CCDC194: variants seen among roughly 807,000 people sequenced by gnomAD.
The protein encoded by CCDC194 is coiled-coil domain containing 194.
A neutral mutation model predicts 4.9 loss-of-function variants in CCDC194; 8 were observed. That is an observed-to-expected ratio of 1.65 (90% CI 0.97 to 2.97). The LOEUF (loss-of-function observed/expected upper bound fraction) is 2.97, where lower values mean the gene tolerates loss of function less well. Ranked by LOEUF, CCDC194 falls within the 30% of genes most tolerant of loss-of-function variation. CCDC194 has a pLI of 0.00. For missense variants in CCDC194, 52 were observed against 43.1 expected, an observed-to-expected ratio of 1.21 and a Z score of -0.58; for synonymous variants, 13 against 17.0, an observed-to-expected ratio of 0.76 and a Z score of 0.58.
At chr19:17,389,529 C>T (rs991238036), downstream of CCDC194, among the ~76,000 whole-genome samples, 18 of 152,160 alleles carry the variant, frequency 1.2e-4, no homozygotes, top group African/African-American at 4.3e-4. Context: ...TGGACGTCCT[C>T]ACCTTGGCAC....
chr19:17,393,784 T>G, intron 1 of CCDC194, 51 bp downstream of exon 1: 1 of 393,566 alleles, frequency 2.5e-6, no homozygotes, highest in Non-Finnish European at 4.5e-6. Context: ...AGGCCGTCTC[T>G]TATCTCAACA....
chr19:17,390,453 A>ACCC (rs11326071), downstream of CCDC194: 16 of 371,352 alleles, frequency 4.3e-5, no homozygotes, highest in African/African-American at 3.2e-4. This position sits in a 1 kb window ranked among gnomAD's most constrained non-coding sequence, Gnocchi z 5.5. Flanking sequence ...GTCCCCGCAG[A>ACCC]CCCCCCCCCC....
rs180688921 is a variant in CCDC194 at position 17,393,809 on chromosome 19, G to C, written c.324+26C>G. ...TTATCTCAACATTCTGGATTCCCGA[G>C]CTCCCCCTCTACCCGGCCCACCTAC... is the stretch of plus-strand genomic sequence containing the variant. On this transcript the variant is annotated intron_variant, in intron 1 of 3. Coordinates refer to ENST00000636079, the Ensembl canonical transcript of CCDC194. 1.0e-3 allele frequency: 395 copies of C among 395,622 alleles called. 1 individual carries two copies. The highest frequency in any genetic ancestry group is 7.6e-3 in the African/African-American group (367 of 48,544). The allele number at this position is 395,622 out of a possible 1,614,324, so 24.5% of individuals were successfully genotyped here. A position where few individuals can be genotyped will look rare whatever the true frequency, so the allele number is the denominator to read the frequency against.
intron 1 of CCDC194, among the ~76,000 whole-genome samples, chr19:17,393,440 G>A (rs1264360695): frequency 6.9e-6 from 1 of 144,508 alleles, no homozygotes; most frequent in East Asian, 2.0e-4. Flanking sequence ...CCAGGCTGGA[G>A]TGCAGTGGCG....
intron 1 of CCDC194, 150 bp from the exon 2 acceptor site, chr19:17,391,996 A>C: frequency 2.8e-6 from 2 of 718,030 alleles, no homozygotes; most frequent in Non-Finnish European, 4.2e-6. Flanking sequence ...TAGTTGTAAA[A>C]TACAGAAGTG....
downstream of CCDC194, among the ~76,000 whole-genome samples, chr19:17,389,541 G>A (rs2074646808): frequency 6.6e-6 from 1 of 152,140 alleles, no homozygotes; most frequent in Non-Finnish European, 1.5e-5. Flanking sequence ...CCTTGGCACT[G>A]ATTTTGATGT....
chr19:17,392,724 G>T (rs1381795394), intron 1 of CCDC194, among the ~76,000 whole-genome samples: 1 of 150,666 alleles, frequency 6.6e-6, no homozygotes, highest in Non-Finnish European at 1.5e-5. Context: ...GGGTTTATTT[G>T]GATTTATTTA....
chr19:17,392,390 C>T (rs13344346), intron 1 of CCDC194: 3,960 of 152,092 alleles, frequency 0.026, 131 homozygotes, highest in African/African-American at 0.071. Flanking sequence ...ACAGGAGAAT[C>T]GCTTGAACCT....
chr19:17,390,453 A>C (rs1166695890), downstream of CCDC194: 4 of 363,578 alleles, frequency 1.1e-5, no homozygotes, highest in African/African-American at 6.5e-5. This position sits in a 1 kb window ranked among gnomAD's most constrained non-coding sequence, Gnocchi z 5.5. Flanking sequence ...GTCCCCGCAG[A>C]CCCCCCCCCC....
At chr19:17,391,092 C>T (rs1016342720) in intron 3 of CCDC194, 119 bp downstream of exon 3, 1 of 380,976 alleles carries the variant, frequency 2.6e-6, no homozygotes, top group African/African-American at 2.1e-5. Flanking sequence ...CAATGCCCCC[C>T]CCCCACCACA....
chr19:17,387,640 C>T (rs913478963), downstream of CCDC194, among the ~76,000 whole-genome samples: 4 of 152,022 alleles, frequency 2.6e-5, no homozygotes, highest in Admixed American at 2.6e-4. Context: ...ATCGTTTGAA[C>T]CCGAGAGGCG....
downstream of CCDC194, among the ~76,000 whole-genome samples, chr19:17,389,844 A>G (rs992884060): frequency 1.3e-5 from 2 of 152,184 alleles, no homozygotes; most frequent in African/African-American, 4.8e-5. Context: ...GGGGGCCTGT[A>G]ATCCCAGCTA....
At chr19:17,392,595 G>A (rs2074658962) in intron 1 of CCDC194, among the ~76,000 whole-genome samples, 1 of 152,204 alleles carries the variant, frequency 6.6e-6, no homozygotes, top group Non-Finnish European at 1.5e-5. Flanking sequence ...GACTGGTTCG[G>A]CTTCCTCAGT....
exon 1 of CCDC194, chr19:17,394,037 G>A (rs1437905725): frequency 7.7e-6 from 3 of 389,194 alleles, no homozygotes; most frequent in Non-Finnish European, 1.4e-5. Context: ...CCGAGCAGCC[G>A]AGGCGGCCAG....
Sources: gnomAD v4.1 joint callset for allele counts (sites outside exome capture counted in the v4.1 genomes callset) on GRCh38, gnomAD v4.1.1 for gene constraint, Gnocchi (gnomAD v3.1) non-coding constraint, MANE v1.5 for transcripts, NCBI Gene and HGNC (gene_info 2026-07-23, HGNC 2026-07-21) for gene names.